CST8: variants seen among roughly 807,000 people sequenced by gnomAD.
CST8 encodes the protein cystatin-8.
A neutral mutation model predicts 11.8 loss-of-function variants in CST8; 20 were observed. That is an observed-to-expected ratio of 1.70 (90% CI 1.20 to 2.47). The LOEUF is 2.47. Among genes scored for constraint, CST8 ranks in the 30% most tolerant of loss-of-function variants. CST8 has a pLI of 0.00. For synonymous variants in CST8, 77 were observed against 63.1 expected, an observed-to-expected ratio of 1.22 and a Z score of -1.05; for missense variants, 196 against 167.2, an observed-to-expected ratio of 1.17 and a Z score of -0.95.
downstream of CST8, among the ~76,000 whole-genome samples, chr20:23,499,616 C>T (rs550461195): frequency 7.2e-5 from 11 of 152,298 alleles, no homozygotes; most frequent in African/African-American, 2.4e-4. Flanking sequence ...GGGGCAGAAC[C>T]AGGCAATTCA....
intron 3 of CST8, 27 bp from the exon 4 acceptor site, chr20:23,495,803 TA>T: frequency 7.6e-7 from 1 of 1,307,352 alleles, no homozygotes; most frequent in Non-Finnish European, 1.1e-6. Context: ...GGCACTCTAC[TA>T]ATTTTTGTTG....
chr20:23,493,109 G>A, intron 3 of CST8, 38 bp downstream of exon 3: 2 of 1,249,780 alleles, frequency 1.6e-6, no homozygotes, highest in East Asian at 2.3e-5. Flanking sequence ...GGCCTAGGCA[G>A]CTCTGAACCC....
chr20:23,497,485 AG>A, downstream of CST8, among the ~76,000 whole-genome samples: 1 of 152,364 alleles, frequency 6.6e-6, no homozygotes, highest in South Asian at 2.1e-4. Flanking sequence ...TGACAGAACT[AG>A]TAGCCCTCCC....
Position 23,491,633 on chromosome 20 carries a change from G to A in CST8, c.-35G>A, listed in dbSNP as rs989364021. On this transcript the variant is annotated 5_prime_UTR_variant, in exon 2 of 4. Coordinates refer to ENST00000246012, the MANE Select transcript of CST8 (RefSeq NM_005492.4). The stretch of plus-strand genomic sequence containing the variant: ...ACAGCTCCAGCCCTGAGACGACGAG[G>A]AGGAGAGTCGACTTTGCCTCTTGCC... The A allele has an allele frequency of 6.5e-7, 1 of 1,536,928 alleles. No individual in the cohort carries two copies. The highest frequency in any genetic ancestry group is 9.0e-7 in the Non-Finnish European group (1 of 1,110,696).
the CST8 span, among the ~76,000 whole-genome samples, chr20:23,506,314 G>T: frequency 6.6e-6 from 1 of 152,124 alleles, no homozygotes; most frequent in East Asian, 1.9e-4. Context: ...GGTGCTGTGG[G>T]GGTCCTAGAC....
chr20:23,506,896 T>C, the CST8 span, among the ~76,000 whole-genome samples: 2 of 152,222 alleles, frequency 1.3e-5, no homozygotes, highest in Non-Finnish European at 2.9e-5. Context: ...CCTGCCCCGA[T>C]GTGACTCGTT....
intron 2 of CST8, 91 bp downstream of exon 2, chr20:23,491,989 C>T (rs1038603182): frequency 2.0e-6 from 2 of 1,002,900 alleles, no homozygotes; most frequent in Non-Finnish European, 3.1e-6. Context: ...AAAAATATCA[C>T]TATGCAAAAA....
the CST8 span, among the ~76,000 whole-genome samples, chr20:23,505,306 G>T: frequency 6.6e-6 from 1 of 151,780 alleles, no homozygotes; most frequent in Non-Finnish European, 1.5e-5. Flanking sequence ...CACCATGGCC[G>T]GCTAACTTTT....
At position 23,493,209 on chromosome 20, in the gene CST8, A is replaced by G; in HGVS notation, c.345+138A>G. ...CCAGATAGCCAACCCTGTGGCCTTT[A>G]TAGCAGAAGATCCAGGGCCACGGAA... On this transcript the variant is annotated intron_variant, in intron 3 of 3. Transcript: ENST00000246012. 3 of 645,420 alleles carry G rather than the reference A, an allele frequency of 4.6e-6. No homozygotes were observed. In the East Asian group the frequency reaches 7.9e-5, roughly 17 times the overall value. The allele number at this position is 645,420 out of a possible 1,614,324, so 40.0% of individuals were successfully genotyped here.
chr20:23,494,686 A>T lies in CST8; in HGVS notation c.346-1145A>T, dbSNP rs546438471. Among the ~76,000 whole-genome samples the T allele has an allele frequency of 1.2e-4, 19 of 152,344 alleles. No homozygotes were observed. In the South Asian group the frequency reaches 2.9e-3, roughly 23 times the overall value. ...ATCCATTCATTAATCTGTCACATACACATAGGATATTTTGTTTGTCATTTC... is the reference window on the plus strand; with the variant it reads ...ATCCATTCATTAATCTGTCACATACTCATAGGATATTTTGTTTGTCATTTC... On this transcript the variant is annotated intron_variant, in intron 3 of 3. Coordinates refer to ENST00000246012, the MANE Select transcript of CST8 (RefSeq NM_005492.4).
chr20:23,506,203 T>C, the CST8 span, among the ~76,000 whole-genome samples: 1 of 152,318 alleles, frequency 6.6e-6, no homozygotes, highest in East Asian at 1.9e-4. Context: ...AGTCCTTTGA[T>C]GGCAAATCAA....
In CST8 at chr20:23,493,091, T is replaced by C; in HGVS notation, c.345+20T>C. The C allele has an allele frequency of 1.4e-6, 2 of 1,393,026 alleles. No individual in the cohort carries two copies. The highest frequency in any genetic ancestry group is 2.0e-6 in the Non-Finnish European group (2 of 979,396). 86.3% of individuals were successfully genotyped at this position (1,393,026 alleles called of 1,614,324 possible). Reference sequence around the variant, plus strand: ...AAAAGGGTAGGTGATGAACCACTCATCTGTGACGGCCTAGGCAGCTCTGAA... The same window carrying C: ...AAAAGGGTAGGTGATGAACCACTCACCTGTGACGGCCTAGGCAGCTCTGAA... On this transcript the variant is annotated intron_variant, in intron 3 of 3. Transcript: ENST00000246012.
chr20:23,492,404 A>G (rs1181037818), intron 2 of CST8, among the ~76,000 whole-genome samples: 2 of 152,248 alleles, frequency 1.3e-5, no homozygotes, highest in Non-Finnish European at 2.9e-5. Context: ...CTAAAGACTC[A>G]GCAGAGAACA....
Position 23,491,165 on chromosome 20 carries a change from T to A in CST8, c.-321T>A, listed in dbSNP as rs1285988079. Reference sequence around the variant, plus strand: ...GCATGAACTAAGAGTGCTGAAGACCTAGGAGAACCACTGGTCAGGTCAGCT... The same window carrying A: ...GCATGAACTAAGAGTGCTGAAGACCAAGGAGAACCACTGGTCAGGTCAGCT... On this transcript the variant is annotated 5_prime_UTR_variant, in exon 1 of 4. Coordinates refer to ENST00000246012, the MANE Select transcript of CST8 (RefSeq NM_005492.4). 6.3e-6 allele frequency: 1 copy of A among 157,712 alleles called. No individual in the cohort carries two copies. The highest frequency in any genetic ancestry group is 1.4e-5 in the Non-Finnish European group (1 of 71,826). The allele number at this position is 157,712 out of a possible 1,614,324, so 9.8% of individuals were successfully genotyped here.
chr20:23,494,126 C>T (rs1307420808), intron 3 of CST8, among the ~76,000 whole-genome samples: 5 of 152,098 alleles, frequency 3.3e-5, no homozygotes, highest in South Asian at 2.1e-4. Flanking sequence ...ATAAATGACC[C>T]GTCAGGACAA....
the CST8 span, among the ~76,000 whole-genome samples, chr20:23,504,593 A>G: frequency 6.6e-6 from 1 of 152,194 alleles, no homozygotes; most frequent in African/African-American, 2.4e-5. Context: ...ATTTATAGAT[A>G]TAAATGTTTA....
chr20:23,504,955 C>T, the CST8 span, among the ~76,000 whole-genome samples: 2 of 152,028 alleles, frequency 1.3e-5, no homozygotes, highest in African/African-American at 4.8e-5. Context: ...GAGGACTTCC[C>T]CGTGCTCAGA....
At chr20:23,493,137 C>A (rs1987942703) in intron 3 of CST8, 66 bp downstream of exon 3, 3 of 982,062 alleles carry the variant, frequency 3.1e-6, no homozygotes, top group South Asian at 2.6e-5. Context: ...AAAGCTGAGG[C>A]ACGCAGACCT....
intron 3 of CST8, among the ~76,000 whole-genome samples, chr20:23,494,192 C>T (rs898013551): frequency 2.0e-5 from 3 of 152,130 alleles, no homozygotes; most frequent in Non-Finnish European, 4.4e-5. Flanking sequence ...CTTGTTTTAT[C>T]TTTTACTGGT....
Sources: gnomAD v4.1 joint callset for allele counts (sites outside exome capture counted in the v4.1 genomes callset) on GRCh38, gnomAD v4.1.1 for gene constraint, MANE v1.5 for transcripts, NCBI Gene and HGNC (gene_info 2026-07-23, HGNC 2026-07-21) for gene names.